Variants in DOP1B observed in about 807,000 individuals in gnomAD.
DOP1B encodes the protein protein DOP1B.
A neutral mutation model predicts 233.5 loss-of-function variants in DOP1B; 174 were observed. The observed-to-expected ratio is 0.75, with a 90% confidence interval of 0.66 to 0.85. The LOEUF (loss-of-function observed/expected upper bound fraction) is 0.85. Among genes scored for constraint, DOP1B ranks in the 40% least tolerant of loss-of-function variants. The pLI is 0.00. For synonymous variants in DOP1B, 1,190 were observed against 1,185.6 expected, an observed-to-expected ratio of 1.00 and a Z score of -0.08; for missense variants, 2,652 against 2,846.6, an observed-to-expected ratio of 0.93 and a Z score of 1.56.
intron 7 of DOP1B, among the ~76,000 whole-genome samples, chr21:36,213,399 G>T (rs1280883055): frequency 1.3e-5 from 2 of 152,084 alleles, no homozygotes; most frequent in African/African-American, 4.8e-5. Flanking sequence ...CTTGCCCTGA[G>T]AACCTTGCAG....
At chr21:36,234,348 A>T (rs1423938813) in intron 15 of DOP1B, among the ~76,000 whole-genome samples, 3 of 152,154 alleles carry the variant, frequency 2.0e-5, no homozygotes, top group Admixed American at 6.6e-5. Flanking sequence ...GGCACAGGGG[A>T]GAAAAAAGAA....
intron 17 of DOP1B, among the ~76,000 whole-genome samples, chr21:36,239,485 C>G (rs975046949): frequency 2.4e-4 from 37 of 152,212 alleles, no homozygotes; most frequent in African/African-American, 6.8e-4. Flanking sequence ...CTTAGAGACA[C>G]CAGCTGATTC....
chr21:36,179,177 T>C (rs2066066263), intron 2 of DOP1B, among the ~76,000 whole-genome samples: 1 of 152,214 alleles, frequency 6.6e-6, no homozygotes. Context: ...TGAGTAAGAG[T>C]CCATGGATAT....
intron 23 of DOP1B, among the ~76,000 whole-genome samples, chr21:36,258,853 G>C (rs372868209): frequency 4.1e-4 from 63 of 152,160 alleles, no homozygotes; most frequent in African/African-American, 1.5e-3. Flanking sequence ...AGCGAGCTCA[G>C]TCAGTGCTTA....
At chr21:36,234,752 G>C (rs914149570) in intron 15 of DOP1B, among the ~76,000 whole-genome samples, 2 of 152,080 alleles carry the variant, frequency 1.3e-5, no homozygotes, top group African/African-American at 4.8e-5. Context: ...TATTGGCCAC[G>C]CTGGTCTCAA....
intron 23 of DOP1B, 115 bp from the exon 24 acceptor site, chr21:36,260,562 C>A: frequency 7.2e-7 from 1 of 1,384,658 alleles, no homozygotes; most frequent in Non-Finnish European, 1.0e-6. Flanking sequence ...CTGAAAGATT[C>A]TTTAGTCAAA....
chr21:36,238,686 A>T lies in DOP1B; in HGVS notation c.2861A>T (p.Asn954Ile), dbSNP rs1206463236. The change falls in exon 17 of 37, where the codon AAT becomes ATT. Residue 954 changes from asparagine (N) to isoleucine (I), a missense_variant. Physicochemically the swap from Asn to Ile is moderately radical, Grantham distance 149. Transcript: ENST00000691173. Reference protein sequence around the residue: ...EIQGSRVTSHNRSFDRSLFVV... With the variant: ...EIQGSRVTSHIRSFDRSLFVV... ...CAAGGCAGTCGAGTAACATCTCACA[A>T]TCGCTCCTTTGATAGGTGAGGCGGC... The T allele has an allele frequency of 6.2e-7, 1 of 1,614,132 alleles. No homozygotes were observed. The highest frequency in any genetic ancestry group is 8.5e-7 in the Non-Finnish European group (1 of 1,179,996).
chr21:36,277,951 T>C (rs776976619), intron 28 of DOP1B, 24 bp from the exon 29 acceptor site: 1 of 1,603,026 alleles, frequency 6.2e-7, no homozygotes, highest in Non-Finnish European at 8.5e-7. Context: ...CAGTTTCTGT[T>C]TTCTTAGGGC....
intron 26 of DOP1B, among the ~76,000 whole-genome samples, chr21:36,268,947 C>T (rs1350723250): frequency 2.0e-5 from 3 of 152,086 alleles, no homozygotes; most frequent in Non-Finnish European, 4.4e-5. Context: ...GGATTACAGG[C>T]GTGAGCCACC....
At chr21:36,185,042 G>A (rs1271569787) in intron 2 of DOP1B, among the ~76,000 whole-genome samples, 1 of 152,180 alleles carries the variant, frequency 6.6e-6, no homozygotes, top group East Asian at 1.9e-4. Flanking sequence ...TGTCCCGAAG[G>A]CGTTCTTCCT....
intron 27 of DOP1B, among the ~76,000 whole-genome samples, chr21:36,273,402 T>TC (rs1321486991): frequency 6.7e-6 from 1 of 148,552 alleles, no homozygotes; most frequent in African/African-American, 2.5e-5. Context: ...GGGTGCAAAC[T>TC]CCATCTCAAA....
intron 26 of DOP1B, among the ~76,000 whole-genome samples, chr21:36,264,479 T>G (rs983781894): frequency 3.0e-4 from 45 of 151,534 alleles, no homozygotes; most frequent in South Asian, 1.2e-3. Flanking sequence ...TTTTTTTTTT[T>G]GGGCCAGGGG....
At chr21:36,171,074 C>A (rs535119418) in intron 2 of DOP1B, among the ~76,000 whole-genome samples, 4 of 152,188 alleles carry the variant, frequency 2.6e-5, no homozygotes, top group Admixed American at 2.0e-4. Context: ...TAAAATGTAT[C>A]TTGAGATCCG....
chr21:36,236,572 G>A (rs763841913), intron 15 of DOP1B, among the ~76,000 whole-genome samples: 4 of 152,026 alleles, frequency 2.6e-5, no homozygotes, highest in Non-Finnish European at 4.4e-5. Context: ...GTGCCTGCTC[G>A]GCACCTGCCT....
intron 15 of DOP1B, among the ~76,000 whole-genome samples, chr21:36,236,268 A>G (rs2066824807): frequency 6.6e-6 from 1 of 152,222 alleles, no homozygotes; most frequent in Non-Finnish European, 1.5e-5. Flanking sequence ...CAGACCATGC[A>G]TGTTTAATGA....
intron 32 of DOP1B, among the ~76,000 whole-genome samples, chr21:36,287,442 T>C (rs1239439669): frequency 1.3e-5 from 2 of 152,114 alleles, no homozygotes; most frequent in African/African-American, 4.8e-5. Context: ...CAGATGTTCA[T>C]GTCTTTCTAC....
intron 20 of DOP1B, among the ~76,000 whole-genome samples, chr21:36,247,978 A>G (rs567225708): frequency 9.8e-5 from 15 of 152,372 alleles, no homozygotes; most frequent in Admixed American, 2.6e-4. Context: ...GAGATAACTT[A>G]TAAAGCCACT....
chr21:36,283,382 C>A (rs750638126), intron 32 of DOP1B, among the ~76,000 whole-genome samples: 1 of 151,988 alleles, frequency 6.6e-6, no homozygotes, highest in Admixed American at 6.6e-5. Flanking sequence ...CGCACCCAGC[C>A]GGAAAGATCT....
chr21:36,291,510 A>G (rs749528602), intron 35 of DOP1B, among the ~76,000 whole-genome samples: 4 of 152,194 alleles, frequency 2.6e-5, no homozygotes, highest in Non-Finnish European at 4.4e-5. Flanking sequence ...CAGGGAGCCA[A>G]GATTGCACCA....
Sources: gnomAD v4.1 joint callset for allele counts (sites outside exome capture counted in the v4.1 genomes callset) on GRCh38, gnomAD v4.1.1 for gene constraint, MANE v1.5 for transcripts, NCBI Gene and HGNC (gene_info 2026-07-23, HGNC 2026-07-21) for gene names.